Variants in ZNF516 observed in about 807,000 individuals in gnomAD.
ZNF516 encodes the protein zinc finger protein 516.
A neutral mutation model predicts 79.7 loss-of-function variants in ZNF516; 19 were observed. The ratio of observed to expected loss-of-function variants is 0.24; its 90% CI spans 0.17 to 0.35. The LOEUF (loss-of-function observed/expected upper bound fraction) is 0.35. Among genes scored for constraint, ZNF516 ranks in the 10% least tolerant of loss-of-function variants. The pLI is 1.00. For synonymous variants in ZNF516, 877 were observed against 739.5 expected (o/e 1.19, Z -3.02); for missense variants, 1,678 against 1,679.5 (o/e 1.00, Z 0.02).
intron 3 of ZNF516, among the ~76,000 whole-genome samples, chr18:76,418,613 A>G (rs970243001): frequency 5.9e-5 from 9 of 152,244 alleles, no homozygotes; most frequent in African/African-American, 2.2e-4. Context: ...TACAGGCTTA[A>G]AATATGAAAA....
chr18:76,429,159 G>A (rs1359487555), intron 3 of ZNF516, among the ~76,000 whole-genome samples: 3 of 152,236 alleles, frequency 2.0e-5, no homozygotes, highest in Non-Finnish European at 2.9e-5. Flanking sequence ...TGTCTTGGAA[G>A]CCCCTCCCCC....
rs545655384 is a variant in ZNF516, at chr18:76,366,147, T to C, written c.3433-3590A>G. On this transcript the variant is annotated intron_variant, in intron 6 of 6. Transcript: ENST00000443185. ...TCTTCAAGCTTCAGGTGTGTGCTGA[T>C]CAATTAAACTGACTTTAATTATTTA... Among the ~76,000 whole-genome samples the C allele has an allele frequency of 7.8e-4, 119 of 152,340 alleles. 1 individual carries two copies. Among genetic ancestry groups the C allele is most frequent in the African/African-American group, 2.7e-3 (111 of 41,580 alleles).
At chr18:76,419,385 G>A (rs566141388) in intron 3 of ZNF516, among the ~76,000 whole-genome samples, 8 of 152,294 alleles carry the variant, frequency 5.3e-5, no homozygotes, top group South Asian at 4.1e-4. Flanking sequence ...CCAAAATATC[G>A]TTACCTATGA....
Position 76,490,207 on chromosome 18 carries a change from C to T in ZNF516, c.-272+4937G>A, listed in dbSNP as rs562060853. The T allele has an allele frequency of 3.8e-4, 370 of 985,300 alleles. 1 individual carries two copies. In the African/African-American group the frequency reaches 6.1e-3, roughly 16 times the overall value. 61.0% of individuals were successfully genotyped at this position (985,300 alleles called of 1,614,324 possible). On this transcript the variant is annotated intron_variant, in intron 1 of 6. Coordinates refer to ENST00000443185, the MANE Select transcript of ZNF516 (RefSeq NM_014643.4). Reference sequence around the variant, plus strand: ...GGGGTCACTCCTGTGAAATTAAAGACGTCCTCCTACAAGTAACCCAACTCT... The same window carrying T: ...GGGGTCACTCCTGTGAAATTAAAGATGTCCTCCTACAAGTAACCCAACTCT...
chr18:76,403,078 T>C (rs749595046), intron 3 of ZNF516, among the ~76,000 whole-genome samples: 4 of 152,386 alleles, frequency 2.6e-5, no homozygotes, highest in Non-Finnish European at 5.9e-5. Flanking sequence ...CTGGCACTAC[T>C]GTCATTTCCA....
chr18:76,470,485 T>C (rs1278734360), intron 1 of ZNF516, among the ~76,000 whole-genome samples: 1 of 152,214 alleles, frequency 6.6e-6, no homozygotes, highest in Non-Finnish European at 1.5e-5. Flanking sequence ...CAAGGAGCCC[T>C]TATATCAATG....
intron 2 of ZNF516, among the ~76,000 whole-genome samples, chr18:76,454,239 T>C (rs968842550): frequency 6.6e-6 from 1 of 152,128 alleles, no homozygotes; most frequent in African/African-American, 2.4e-5. Flanking sequence ...AACAAACACG[T>C]CAATAATCAA....
intron 3 of ZNF516, among the ~76,000 whole-genome samples, chr18:76,412,508 C>T (rs17059339): frequency 0.017 from 2,624 of 152,270 alleles, 71 homozygotes; most frequent in African/African-American, 0.058. Flanking sequence ...ACACACTCTA[C>T]GAACCCACCT....
intron 1 of ZNF516, among the ~76,000 whole-genome samples, chr18:76,464,374 A>G (rs1368138980): frequency 6.6e-6 from 1 of 152,152 alleles, no homozygotes; most frequent in Non-Finnish European, 1.5e-5. Context: ...TCAGTCTCAA[A>G]AACAGAAAGT....
At chr18:76,372,666 G>A (rs1180890766) in intron 4 of ZNF516, 1 of 152,264 alleles carries the variant, frequency 6.6e-6, no homozygotes, top group South Asian at 2.1e-4. Context: ...ATAAAATCAT[G>A]CTTACACTAT....
intron 2 of ZNF516, among the ~76,000 whole-genome samples, chr18:76,444,083 G>A (rs1911896034): frequency 6.6e-6 from 1 of 152,232 alleles, no homozygotes; most frequent in Non-Finnish European, 1.5e-5. Context: ...TCCAACCAAA[G>A]AGGCCTACAT....
At chr18:76,366,000 G>A (rs1428047453) in intron 6 of ZNF516, among the ~76,000 whole-genome samples, 1 of 152,180 alleles carries the variant, frequency 6.6e-6, no homozygotes, top group Non-Finnish European at 1.5e-5. Context: ...TTGACTATCT[G>A]GTTTTCATAA....
chr18:76,364,208 C>T lies in ZNF516; in HGVS notation c.3433-1651G>A, dbSNP rs143979186. ...GTGTTCACAAATCCAGATGCAGAGACGCCCATTTTCTCTTCATAACTGAAG... is the reference window on the plus strand; with the variant it reads ...GTGTTCACAAATCCAGATGCAGAGATGCCCATTTTCTCTTCATAACTGAAG... On this transcript the variant is annotated intron_variant, in intron 6 of 6. Transcript: ENST00000443185. Among the ~76,000 whole-genome samples the T allele has an allele frequency of 8.1e-3, 1,234 of 152,322 alleles. 16 individuals carry two copies. Among genetic ancestry groups the T allele is most frequent in the African/African-American group, 0.027 (1,139 of 41,562 alleles).
chr18:76,362,613 T>C (rs2074555836), intron 6 of ZNF516, 56 bp from the exon 7 acceptor site: 2 of 1,517,902 alleles, frequency 1.3e-6, no homozygotes, highest in Admixed American at 1.8e-5. Flanking sequence ...TTTTGGTTTC[T>C]AAATGCATTT....
Position 76,443,201 on chromosome 18 carries a change from G to T in ZNF516, c.-147C>A. The T allele has an allele frequency of 8.1e-7, 1 of 1,232,222 alleles. No homozygotes were observed. The highest frequency in any genetic ancestry group is 1.1e-6 in the Non-Finnish European group (1 of 923,392). The allele number at this position is 1,232,222 out of a possible 1,614,324, so 76.3% of individuals were successfully genotyped here. ...TTCTACATGGGGGGCGCAGCAGCTG[G>T]CAGCCAGCACCTGAAACAGAGATGG... is the stretch of plus-strand genomic sequence containing the variant. On this transcript the variant is annotated 5_prime_UTR_variant, in exon 3 of 7. Coordinates refer to ENST00000443185, the MANE Select transcript of ZNF516 (RefSeq NM_014643.4).
At chr18:76,455,549 A>C (rs368636133) in intron 2 of ZNF516, among the ~76,000 whole-genome samples, 37 of 152,332 alleles carry the variant, frequency 2.4e-4, no homozygotes, top group African/African-American at 7.5e-4. Context: ...GGGTGTAAGC[A>C]CAGCCAAGGG....
At chr18:76,439,002 T>C (rs548662634) in intron 3 of ZNF516, among the ~76,000 whole-genome samples, 2 of 152,328 alleles carry the variant, frequency 1.3e-5, no homozygotes, top group African/African-American at 4.8e-5. Context: ...CTTAAAGAAC[T>C]AAGTAATCTT....
At chr18:76,370,146 G>A (rs1020145512) in intron 6 of ZNF516, among the ~76,000 whole-genome samples, 3 of 152,146 alleles carry the variant, frequency 2.0e-5, no homozygotes, top group Non-Finnish European at 4.4e-5. Flanking sequence ...CTTTTCTTAC[G>A]GAATAACACA....
At chr18:76,443,800 C>CA (rs2145566704) in intron 2 of ZNF516, among the ~76,000 whole-genome samples, 1 of 152,338 alleles carries the variant, frequency 6.6e-6, no homozygotes, top group Admixed American at 6.5e-5. Flanking sequence ...GCACAGCCCG[C>CA]AACACACCTA....
Sources: allele counts gnomAD v4.1 joint callset (sites outside exome capture counted in the v4.1 genomes callset), GRCh38; gene constraint gnomAD v4.1.1; transcripts MANE v1.5; gene names NCBI Gene and HGNC (gene_info 2026-07-23, HGNC 2026-07-21).